The following CD9 variants were observed in gnomAD, a reference collection of about 807,000 sequenced individuals.
CD9 encodes the protein CD9 antigen.
In CD9, 10 loss-of-function variants were observed where a neutral mutation model predicts 31.4. The ratio of observed to expected loss-of-function variants is 0.32; its 90% CI spans 0.20 to 0.54. The LOEUF (loss-of-function observed/expected upper bound fraction) is 0.54. Among genes scored for constraint, CD9 ranks in the 20% least tolerant of loss-of-function variants. The pLI is 0.94. For missense variants in CD9, 259 were observed against 300.1 expected, an observed-to-expected ratio of 0.86 and a Z score of 1.01; for synonymous variants, 113 against 114.1, an observed-to-expected ratio of 0.99 and a Z score of 0.06.
In CD9 at chr12:6,235,217, T is replaced by C; in HGVS notation, c.349-12T>C. ...ATGCCGTCTCTGCCCCTCTCTCGTCTGCCCATTGTAGGTGATTAAGGAAGT... is the reference window on the plus strand; with the variant it reads ...ATGCCGTCTCTGCCCCTCTCTCGTCCGCCCATTGTAGGTGATTAAGGAAGT... On this transcript the variant is annotated splice_polypyrimidine_tract_variant and intron_variant, in intron 4 of 7. Coordinates refer to ENST00000009180, the MANE Select transcript of CD9 (RefSeq NM_001769.4). 6.3e-7 allele frequency: 1 copy of C among 1,575,550 alleles called. No homozygotes were observed. The highest frequency in any genetic ancestry group is 8.7e-7 in the Non-Finnish European group (1 of 1,146,454).
At chr12:6,211,548 C>T (rs956980111) in intron 1 of CD9, among the ~76,000 whole-genome samples, 31 of 152,206 alleles carry the variant, frequency 2.0e-4, no homozygotes, top group African/African-American at 5.1e-4. Flanking sequence ...GGGCCACGCA[C>T]GCACGTGGCG....
chr12:6,204,646 G>A (rs747041757), intron 1 of CD9, among the ~76,000 whole-genome samples: 9 of 152,186 alleles, frequency 5.9e-5, no homozygotes, highest in Non-Finnish European at 1.3e-4. Context: ...CACCAGATGG[G>A]GCTGGTGACC....
rs546960483 is a variant in CD9 at position 6,205,126 on chromosome 12, T to C, written c.66+4561T>C. On this transcript the variant is annotated intron_variant, in intron 1 of 7. Coordinates refer to ENST00000009180, the MANE Select transcript of CD9 (RefSeq NM_001769.4). ...AAGTTGCTGGGACTGTTGCATAAAATGGCTCCCACCTCCAGTGCCCAGACA... is the reference window on the plus strand; with the variant it reads ...AAGTTGCTGGGACTGTTGCATAAAACGGCTCCCACCTCCAGTGCCCAGACA... Among the ~76,000 whole-genome samples, 9 of 152,310 alleles carry C rather than the reference T, an allele frequency of 5.9e-5. No homozygotes were observed. In the South Asian group the frequency reaches 1.2e-3, roughly 21 times the overall value.
chr12:6,210,356 A>G (rs1172179077), intron 1 of CD9, among the ~76,000 whole-genome samples: 1 of 152,224 alleles, frequency 6.6e-6, no homozygotes, highest in Non-Finnish European at 1.5e-5. Context: ...GTCCCTTCCC[A>G]GAGCGCCGCC....
intron 1 of CD9, among the ~76,000 whole-genome samples, chr12:6,213,195 C>A (rs1033838916): frequency 5.3e-5 from 8 of 152,130 alleles, no homozygotes; most frequent in African/African-American, 1.9e-4. Flanking sequence ...GCTACTGGTA[C>A]CTCTCCTTAA....
chr12:6,233,235 G>T, intron 3 of CD9, 177 bp from the exon 4 acceptor site: 1 of 641,412 alleles, frequency 1.6e-6, no homozygotes, highest in East Asian at 2.7e-5. Context: ...CTCTGTCCTG[G>T]GCTTGGTTAA....
chr12:6,214,554 G>T (rs1591966889), intron 1 of CD9, among the ~76,000 whole-genome samples: 2 of 151,842 alleles, frequency 1.3e-5, no homozygotes, highest in East Asian at 3.9e-4. Flanking sequence ...TTACCATATT[G>T]CCCAGGCTGG....
In CD9 at chr12:6,232,046, T is replaced by C. The variant is rs1002613137; in HGVS notation, c.176-586T>C. Reference sequence around the variant, plus strand: ...TTGGACCTTTGCCAAGAGGTGCCTTTGGGTGTTCCTAACTGTATGTGCCTA... The same window carrying C: ...TTGGACCTTTGCCAAGAGGTGCCTTCGGGTGTTCCTAACTGTATGTGCCTA... On this transcript the variant is annotated intron_variant, in intron 2 of 7. Coordinates refer to ENST00000009180, the MANE Select transcript of CD9 (RefSeq NM_001769.4). The surrounding 1 kb of genome is among the most constrained non-coding windows in gnomAD (Gnocchi z 4.8). 4 of 160,104 alleles carry C rather than the reference T, an allele frequency of 2.5e-5. No homozygotes were observed. The highest frequency in any genetic ancestry group is 9.6e-5 in the African/African-American group (4 of 41,478). The allele number at this position is 160,104 out of a possible 1,614,324, so 9.9% of individuals were successfully genotyped here. A position where few individuals can be genotyped will look rare whatever the true frequency, so the allele number is the denominator to read the frequency against.
chr12:6,223,380 G>C (rs1439556775), intron 1 of CD9, among the ~76,000 whole-genome samples: 2 of 151,948 alleles, frequency 1.3e-5, no homozygotes, highest in Non-Finnish European at 2.9e-5. Flanking sequence ...TCCTGCCTCA[G>C]CCTCTGGAGT....
At chr12:6,213,299 G>A (rs374580549) in intron 1 of CD9, among the ~76,000 whole-genome samples, 9 of 152,178 alleles carry the variant, frequency 5.9e-5, no homozygotes, top group African/African-American at 2.2e-4. Context: ...ATCAGTCAAT[G>A]CTGAAATTTA....
rs557781558 is a variant in CD9, at chr12:6,211,799, C to T, written c.66+11234C>T. 2.6e-5 allele frequency among the ~76,000 whole-genome samples: 4 copies of T among 152,302 alleles called. No homozygotes were observed. The East Asian group carries it at 5.8e-4, about 22-fold the overall frequency. ...TTTATGGGCTGGCCAGTGTATGCTA[C>T]GCGTCTGGCAAGCAGGCAGTGGAAA... On this transcript the variant is annotated intron_variant, in intron 1 of 7. Coordinates refer to ENST00000009180, the MANE Select transcript of CD9 (RefSeq NM_001769.4).
At chr12:6,205,319 G>C (rs1946119124) in intron 1 of CD9, among the ~76,000 whole-genome samples, 1 of 152,292 alleles carries the variant, frequency 6.6e-6, no homozygotes, top group African/African-American at 2.4e-5. Context: ...TGGTGGTGAG[G>C]ATTCCTCTGC....
chr12:6,230,979 A>T (rs1014312040), intron 2 of CD9, among the ~76,000 whole-genome samples: 3 of 152,166 alleles, frequency 2.0e-5, no homozygotes, highest in Admixed American at 2.0e-4. Flanking sequence ...GGCAGACTGC[A>T]TGGTTTGTTG....
At chr12:6,215,113 C>T (rs898322650) in intron 1 of CD9, among the ~76,000 whole-genome samples, 1 of 152,150 alleles carries the variant, frequency 6.6e-6, no homozygotes, top group Non-Finnish European at 1.5e-5. Flanking sequence ...TTTGAGCCCC[C>T]AAATGCCCCA....
At chr12:6,214,684 G>A (rs543138020) in intron 1 of CD9, among the ~76,000 whole-genome samples, 3 of 152,154 alleles carry the variant, frequency 2.0e-5, no homozygotes, top group South Asian at 4.1e-4. Context: ...TTTTTCTAGA[G>A]TTCGGGGAGG....
intron 1 of CD9, among the ~76,000 whole-genome samples, chr12:6,210,387 G>A (rs1946182359): frequency 6.6e-6 from 1 of 152,196 alleles, no homozygotes; most frequent in Admixed American, 6.5e-5. Context: ...CTGACTATAT[G>A]ACCAGTGGAA....
At chr12:6,231,260 C>G (rs1235638040) in intron 2 of CD9, among the ~76,000 whole-genome samples, 1 of 152,210 alleles carries the variant, frequency 6.6e-6, no homozygotes, top group Non-Finnish European at 1.5e-5. Context: ...TTAACAACAG[C>G]TAGCATTTGT....
rs185047257 is a variant in CD9, at chr12:6,203,838, G to A, written c.66+3273G>A. 6.8e-4 allele frequency among the ~76,000 whole-genome samples: 103 copies of A among 152,292 alleles called. 1 individual carries two copies. In the Middle Eastern group the frequency reaches 0.01, roughly 15 times the overall value. On this transcript the variant is annotated intron_variant, in intron 1 of 7. Transcript: ENST00000009180. ...CACATGCATGTCTGCCCTCTTTCTG[G>A]TCAGAGAAGGGGAGGAACTCCTTAG...
chr12:6,210,716 T>G (rs775425128), intron 1 of CD9, among the ~76,000 whole-genome samples: 4 of 151,946 alleles, frequency 2.6e-5, no homozygotes, highest in Non-Finnish European at 4.4e-5. Context: ...ATAGAAGAAA[T>G]GGATCAAAAA....
Sources: allele counts gnomAD v4.1 joint callset (sites outside exome capture counted in the v4.1 genomes callset), GRCh38; gene constraint gnomAD v4.1.1; non-coding constraint Gnocchi (gnomAD v3.1); transcripts MANE v1.5; gene names NCBI Gene and HGNC (gene_info 2026-07-23, HGNC 2026-07-21).